Variants in TRIM37 observed in about 807,000 individuals in gnomAD.
The protein encoded by TRIM37 is E3 ubiquitin-protein ligase TRIM37.
In TRIM37, 80 loss-of-function variants were observed where a neutral mutation model predicts 129.8. The observed-to-expected ratio is 0.62, with a 90% CI of 0.51 to 0.74. The LOEUF (loss-of-function observed/expected upper bound fraction) is 0.74, where lower values mean the gene tolerates loss of function less well. TRIM37 is among the 30% of genes least tolerant of loss of function. The probability of loss-of-function intolerance (pLI) is 0.00; values close to 1 mark genes in which losing one functional copy is unlikely to be tolerated. For missense variants in TRIM37, 1,054 were observed against 1,176.5 expected, an observed-to-expected ratio of 0.90 and a Z score of 1.52; for synonymous variants, 389 against 387.1, an observed-to-expected ratio of 1.00 and a Z score of -0.06.
intron 17 of TRIM37, among the ~76,000 whole-genome samples, chr17:59,035,901 TTA>T (rs2038421891): frequency 1.3e-5 from 2 of 152,160 alleles, no homozygotes; most frequent in Admixed American, 1.3e-4. Flanking sequence ...AATGTCACAC[TTA>T]TATACTTGAG....
intron 2 of TRIM37, among the ~76,000 whole-genome samples, chr17:59,097,182 CTTCCCCTTAAGATCAGGAAAAA>C (rs1391489722): frequency 6.6e-6 from 1 of 152,110 alleles, no homozygotes; most frequent in Non-Finnish European, 1.5e-5. Flanking sequence ...GCTAAAAACT[CTTCCCCTTAAGATCAGGAAAAA>C]TTCCCCTTAA....
Position 59,075,715 on chromosome 17 carries a change from CT to C in TRIM37, c.617-2del. 1 of 1,608,424 alleles carries C rather than the reference CT, an allele frequency of 6.2e-7. No homozygotes were observed. The highest frequency in any genetic ancestry group is 8.5e-7 in the Non-Finnish European group (1 of 1,176,742). On this transcript the variant is annotated splice_acceptor_variant, in intron 7 of 23. Coordinates refer to ENST00000262294, the MANE Select transcript of TRIM37 (RefSeq NM_015294.6). LOFTEE classifies it high-confidence loss of function. ...TCTTGGGTTAGAGATGTCTTCTGAC[CT>C]GATGAAAAATAGTGAATCATCAACA...
chr17:59,045,028 T>C (rs2039629486), intron 16 of TRIM37, among the ~76,000 whole-genome samples: 1 of 150,714 alleles, frequency 6.6e-6, no homozygotes, highest in Non-Finnish European at 1.5e-5. Context: ...CAGATTCTCT[T>C]AGGAAAAAAA....
intron 22 of TRIM37, among the ~76,000 whole-genome samples, chr17:59,005,832 CTCATTATTATT>C (rs2034412779): frequency 6.6e-6 from 1 of 152,096 alleles, no homozygotes; most frequent in African/African-American, 2.4e-5. Context: ...CATGTGTAAA[CTCATTATTATT>C]TACTTAGCAG....
downstream of TRIM37, chr17:58,980,885 A>G (rs2031317346): frequency 6.2e-7 from 1 of 1,614,012 alleles, no homozygotes; most frequent in Non-Finnish European, 8.5e-7. This position sits in a 1 kb window ranked among gnomAD's most constrained non-coding sequence, Gnocchi z 4.7. Context: ...GTCCTCACTT[A>G]CTGGAAGTGG....
At chr17:59,071,064 T>A in intron 8 of TRIM37, 117 bp from the exon 9 acceptor site, 1 of 1,180,936 alleles carries the variant, frequency 8.5e-7, no homozygotes, top group Non-Finnish European at 1.2e-6. Flanking sequence ...TAAAAATAAC[T>A]CAAAGTGAGC....
In TRIM37 at chr17:59,032,083, G is replaced by A; in HGVS notation, c.1761C>T (p.Ser587=). The A allele has an allele frequency of 9.3e-6, 15 of 1,613,686 alleles. No homozygotes were observed. The highest frequency in any genetic ancestry group is 1.2e-5 in the Non-Finnish European group (14 of 1,180,012). The stretch of plus-strand genomic sequence containing the variant: ...TACTACTGGAACCCACATAACCATG[G>A]CTACTACCTGCAAAAGAGGCGTAGA... The part of the protein sequence containing the change: ...DAAAAGPAGS[S]HGYVGSSSRI... Residue 587 remains serine (S), a synonymous_variant, in exon 18 of 24, where the codon AGC becomes AGT. Coordinates refer to ENST00000262294, the MANE Select transcript of TRIM37 (RefSeq NM_015294.6).
At chr17:58,971,838 G>A in the TRIM37 span, among the ~76,000 whole-genome samples, 2 of 152,178 alleles carry the variant, frequency 1.3e-5, no homozygotes, top group African/African-American at 4.8e-5. Context: ...ATAGTTACCT[G>A]CCCTTGGGCA....
chr17:59,055,784 G>C (rs964195939), intron 13 of TRIM37, among the ~76,000 whole-genome samples: 1 of 151,930 alleles, frequency 6.6e-6, no homozygotes, highest in Non-Finnish European at 1.5e-5. Context: ...AGGGTGGAGG[G>C]TGGGAGGAGG....
At chr17:58,978,195 A>C (rs1307540451), downstream of TRIM37, among the ~76,000 whole-genome samples, 1 of 152,218 alleles carries the variant, frequency 6.6e-6, no homozygotes, top group Non-Finnish European at 1.5e-5. Flanking sequence ...TGTGTAGGTG[A>C]CAAGTAGAAG....
At chr17:58,983,312 G>A (rs1390542180) in intron 24 of TRIM37, 2 of 165,248 alleles carry the variant, frequency 1.2e-5, no homozygotes, top group African/African-American at 4.8e-5. Flanking sequence ...TATTTATAGA[G>A]TAGTTAGGTA....
chr17:59,106,407 CG>C (rs2147760653), intron 1 of TRIM37, 33 bp downstream of exon 1: 1 of 1,613,472 alleles, frequency 6.2e-7, no homozygotes, highest in East Asian at 2.2e-5. Flanking sequence ...CGGGTGGGGG[CG>C]GGGACTAACC....
At chr17:59,037,710 T>C (rs1166083830) in intron 17 of TRIM37, among the ~76,000 whole-genome samples, 1 of 152,024 alleles carries the variant, frequency 6.6e-6, no homozygotes, top group Non-Finnish European at 1.5e-5. Context: ...ATTACTATGG[T>C]ATATTTGTCA....
At chr17:59,008,770 C>T (rs1036099252) in intron 22 of TRIM37, among the ~76,000 whole-genome samples, 3 of 152,154 alleles carry the variant, frequency 2.0e-5, no homozygotes, top group African/African-American at 7.2e-5. Flanking sequence ...AATCATTTCA[C>T]CTAACCATGC....
intron 16 of TRIM37, among the ~76,000 whole-genome samples, chr17:59,045,138 A>G (rs2039641891): frequency 6.6e-6 from 1 of 152,056 alleles, no homozygotes; most frequent in South Asian, 2.1e-4. Context: ...CATCCTGGCT[A>G]ACACGGTGAA....
intron 8 of TRIM37, among the ~76,000 whole-genome samples, chr17:59,074,397 A>T (rs1437243809): frequency 6.6e-6 from 1 of 152,228 alleles, no homozygotes; most frequent in Non-Finnish European, 1.5e-5. Flanking sequence ...CCCTACAGAT[A>T]TATATGTGTG....
intron 19 of TRIM37, among the ~76,000 whole-genome samples, chr17:59,020,218 G>A (rs9909268): frequency 1.0e-3 from 105 of 101,302 alleles, no homozygotes; most frequent in African/African-American, 3.8e-3. Flanking sequence ...TGGACAGAGC[G>A]AGACTCTGTC....
chr17:59,065,049 T>C lies in TRIM37; in HGVS notation c.810-644A>G, dbSNP rs139057425. Among the ~76,000 whole-genome samples, 714 of 152,288 alleles carry C rather than the reference T, an allele frequency of 4.7e-3. 4 individuals are homozygous for C. Among genetic ancestry groups the C allele is most frequent in the South Asian group, 9.5e-3 (46 of 4,824 alleles). ...GAGGGCGACAGAGCCAGACTCTGTC[T>C]CAGTCAACCAATAAATCAATAAATA... On this transcript the variant is annotated intron_variant, in intron 9 of 23. Coordinates refer to ENST00000262294, the MANE Select transcript of TRIM37 (RefSeq NM_015294.6).
Position 59,056,862 on chromosome 17 carries a change from T to A in TRIM37, c.1199+13A>T. On this transcript the variant is annotated intron_variant, in intron 13 of 23. Coordinates refer to ENST00000262294, the MANE Select transcript of TRIM37 (RefSeq NM_015294.6). ...CCACAATAAAAACCACAACATCAAA[T>A]TTTTCCTGTTACCTTAAAATCACTG... The A allele has an allele frequency of 1.2e-6, 2 of 1,609,964 alleles. No homozygotes were observed. Among genetic ancestry groups the A allele is most frequent in the South Asian group, 2.2e-5 (2 of 90,994 alleles).
Sources: gnomAD v4.1 joint callset for allele counts (sites outside exome capture counted in the v4.1 genomes callset) on GRCh38, gnomAD v4.1.1 for gene constraint, Gnocchi (gnomAD v3.1) non-coding constraint, MANE v1.5 for transcripts, NCBI Gene and HGNC (gene_info 2026-07-23, HGNC 2026-07-21) for gene names.